Variants in SFXN5 observed in about 807,000 individuals in gnomAD.
The protein encoded by SFXN5 is sideroflexin 5.
SFXN5 carries 43 observed loss-of-function variants against 50.2 expected under a neutral mutation model. That is an observed-to-expected ratio of 0.86 (90% confidence interval 0.67 to 1.11). SFXN5 has a LOEUF of 1.11. Ranked by LOEUF, SFXN5 falls within the 50% of genes least tolerant of loss-of-function variation. The probability of loss-of-function intolerance (pLI) is 0.00; values close to 1 mark genes in which losing one functional copy is unlikely to be tolerated. For synonymous variants in SFXN5, 203 were observed against 185.8 expected (o/e 1.09, Z -0.75); for missense variants, 463 against 454.1 (o/e 1.02, Z -0.18).
chr2:73,020,393 G>C, intron 5 of SFXN5, 129 bp from the exon 6 acceptor site: 1 of 822,668 alleles, frequency 1.2e-6, no homozygotes, highest in Non-Finnish European at 2.0e-6. Context: ...AGTTAGGCGG[G>C]AGGCATCTCC....
At chr2:72,965,447 C>T (rs1674275241) in intron 12 of SFXN5, among the ~76,000 whole-genome samples, 2 of 152,208 alleles carry the variant, frequency 1.3e-5, no homozygotes, top group Admixed American at 6.5e-5. Flanking sequence ...ATACAGAAAG[C>T]CCTCTGTCCT....
At chr2:73,053,371 T>C (rs1681650698) in intron 2 of SFXN5, 1 of 154,324 alleles carries the variant, frequency 6.5e-6, no homozygotes, top group African/African-American at 2.4e-5. Context: ...CATTTCTTTA[T>C]TGGTCTTTCA....
intron 4 of SFXN5, among the ~76,000 whole-genome samples, 175 bp downstream of exon 4, chr2:73,023,013 T>G (rs970057739): frequency 2.0e-5 from 3 of 152,128 alleles, no homozygotes; most frequent in African/African-American, 7.2e-5. Flanking sequence ...AGCTCCAGAC[T>G]TCAGAGACTC....
chr2:73,050,794 A>G (rs191198770), intron 2 of SFXN5, among the ~76,000 whole-genome samples: 183 of 152,340 alleles, frequency 1.2e-3, no homozygotes, highest in Non-Finnish European at 1.9e-3. Context: ...GGTTTCTCCT[A>G]AACATGATTT....
In SFXN5 at chr2:72,944,523, C is replaced by T. The variant is rs1342585500; in HGVS notation, c.*499G>A. The T allele has an allele frequency of 6.4e-6, 1 of 155,190 alleles. No individual in the cohort carries two copies. The highest frequency in any genetic ancestry group is 1.4e-5 in the Non-Finnish European group (1 of 69,902). 9.6% of individuals were successfully genotyped at this position (155,190 alleles called of 1,614,324 possible). A position where few individuals can be genotyped will look rare whatever the true frequency, so the allele number is the denominator to read the frequency against. ...CCCTCCCCATGCCAGCCCAGGGAGC[C>T]ATCTGGGCTGGCCATTGTAATATCC... On this transcript the variant is annotated 3_prime_UTR_variant, in exon 14 of 14. Transcript: ENST00000272433.
intron 8 of SFXN5, 83 bp from the exon 9 acceptor site, chr2:72,999,097 G>A: frequency 7.0e-7 from 1 of 1,438,252 alleles, no homozygotes; most frequent in Non-Finnish European, 9.7e-7. Context: ...CAGCCAGCAA[G>A]AAGCATCCTG....
chr2:72,955,761 C>T (rs1351236669), intron 13 of SFXN5, among the ~76,000 whole-genome samples: 3 of 152,206 alleles, frequency 2.0e-5, no homozygotes, highest in African/African-American at 4.8e-5. Flanking sequence ...ACCTGAGGCC[C>T]CAGTGTATGT....
chr2:72,969,728 G>A (rs1284685630), intron 11 of SFXN5, among the ~76,000 whole-genome samples: 1 of 146,850 alleles, frequency 6.8e-6, no homozygotes, highest in Admixed American at 6.9e-5. Context: ...ATCTCTTAAA[G>A]ACAAAGATTT....
intron 8 of SFXN5, 49 bp downstream of exon 8, chr2:73,000,382 G>A: frequency 6.6e-7 from 1 of 1,526,072 alleles, no homozygotes; most frequent in Non-Finnish European, 8.9e-7. Context: ...GGATGACTGG[G>A]CCTCCCTAGC....
rs1280717998 is a variant in SFXN5, at chr2:72,950,264, G to C, written c.946-5165C>G. ...AAACACTGAGCAGCCATGAGCGTCA[G>C]AGAGAGTTTTCTGAGAGTTGTCCCA... On this transcript the variant is annotated intron_variant, in intron 13 of 13. Transcript: ENST00000272433. This position sits in a 1 kb window ranked among gnomAD's most constrained non-coding sequence, Gnocchi z 4.2. 6.6e-6 allele frequency among the ~76,000 whole-genome samples: 1 copy of C among 152,178 alleles called. No homozygotes were observed. Among genetic ancestry groups the C allele is most frequent in the Non-Finnish European group, 1.5e-5 (1 of 68,022 alleles).
Position 73,071,596 on chromosome 2 carries a change from G to A in SFXN5, c.102+8C>T, listed in dbSNP as rs771558795. 1 of 1,612,898 alleles carries A rather than the reference G, an allele frequency of 6.2e-7. No individual in the cohort carries two copies. Among genetic ancestry groups the A allele is most frequent in the Non-Finnish European group, 8.5e-7 (1 of 1,179,498 alleles). ...CCGCCGGCCCGCAGACCACAGCCCG[G>A]TCCTCACCTGCTGGAAGCGGGGTTT... On this transcript the variant is annotated splice_region_variant and intron_variant, in intron 1 of 13. Transcript: ENST00000272433.
intron 7 of SFXN5, 72 bp downstream of exon 7, chr2:73,001,453 C>T: frequency 3.3e-6 from 5 of 1,526,952 alleles, no homozygotes; most frequent in Non-Finnish European, 4.5e-6. Flanking sequence ...GGAGACACCA[C>T]AGCAGGGAGT....
chr2:73,011,888 T>C (rs1675547674), intron 6 of SFXN5, among the ~76,000 whole-genome samples: 1 of 152,244 alleles, frequency 6.6e-6, no homozygotes, highest in South Asian at 2.1e-4. Flanking sequence ...GGAAGTGCCC[T>C]TGAGAAACCC....
At chr2:72,955,997 T>G (rs1227816945) in intron 13 of SFXN5, among the ~76,000 whole-genome samples, 2 of 152,216 alleles carry the variant, frequency 1.3e-5, no homozygotes, top group African/African-American at 4.8e-5. Context: ...TTATTGAGTT[T>G]TGTCTCCACC....
chr2:72,994,212 G>A (rs1275858763), intron 9 of SFXN5, among the ~76,000 whole-genome samples: 1 of 152,174 alleles, frequency 6.6e-6, no homozygotes, highest in Non-Finnish European at 1.5e-5. Flanking sequence ...GTAAAATGAG[G>A]ATGAACACCT....
chr2:73,056,516 T>C (rs534383219), intron 2 of SFXN5, among the ~76,000 whole-genome samples: 16 of 150,970 alleles, frequency 1.1e-4, no homozygotes, highest in Admixed American at 5.3e-4. Context: ...AGAAACCCCA[T>C]CTCTACTAAA....
At chr2:73,008,088 G>C (rs1574101573) in intron 6 of SFXN5, among the ~76,000 whole-genome samples, 1 of 152,116 alleles carries the variant, frequency 6.6e-6, no homozygotes, top group East Asian at 1.9e-4. Flanking sequence ...GAGGGCCCTG[G>C]GAAACACCCC....
intron 1 of SFXN5, among the ~76,000 whole-genome samples, chr2:73,064,443 C>T (rs1242641900): frequency 6.6e-6 from 1 of 152,228 alleles, no homozygotes; most frequent in African/African-American, 2.4e-5. Flanking sequence ...AATTATGACC[C>T]CTCTCCACTG....
At chr2:72,963,689 G>T (rs2105399304) in intron 12 of SFXN5, among the ~76,000 whole-genome samples, 1 of 152,312 alleles carries the variant, frequency 6.6e-6, no homozygotes, top group Non-Finnish European at 1.5e-5. Flanking sequence ...CAGGGCTGTG[G>T]CCTGGGCCCG....
Sources: allele counts gnomAD v4.1 joint callset (sites outside exome capture counted in the v4.1 genomes callset), GRCh38; gene constraint gnomAD v4.1.1; non-coding constraint Gnocchi (gnomAD v3.1); transcripts MANE v1.5; gene names NCBI Gene and HGNC (gene_info 2026-07-23, HGNC 2026-07-21).